The following ALDOB variants were observed in gnomAD, a reference collection of about 807,000 sequenced individuals.
ALDOB encodes aldolase, fructose-bisphosphate B, also known as fructose-bisphosphate aldolase B.
A neutral mutation model predicts 41.0 loss-of-function variants in ALDOB; 39 were observed. That is an observed-to-expected ratio of 0.95 (90% CI 0.74 to 1.24). The LOEUF (loss-of-function observed/expected upper bound fraction) is 1.24. ALDOB is among the 50% of genes most tolerant of loss of function. The pLI, the probability that ALDOB is intolerant of heterozygous loss-of-function variation, is 0.00. For synonymous variants in ALDOB, 175 were observed against 168.8 expected (o/e 1.04, Z -0.28); for missense variants, 530 against 457.3 (o/e 1.16, Z -1.45).
At chr9:101,429,387 G>A (rs1178616381) in intron 3 of ALDOB, among the ~76,000 whole-genome samples, 1 of 152,126 alleles carries the variant, frequency 6.6e-6, no homozygotes, top group Non-Finnish European at 1.5e-5. Context: ...TCAAACTCCT[G>A]AGCTCAAGCG....
rs149166711 is a variant in ALDOB at position 101,424,876 on chromosome 9, C to T, written c.966G>A (p.Glu322=). 20 of 1,613,682 alleles carry T rather than the reference C, an allele frequency of 1.2e-5. No homozygotes were observed. Among genetic ancestry groups the T allele is most frequent in the South Asian group, 2.2e-5 (2 of 91,050 alleles). The change falls in exon 8 of 9, where the codon GAG becomes GAA. Residue 322 remains glutamate (E), a synonymous_variant. Transcript: ENST00000647789. ...GCTTCATAAAAGCCTCCTGGGTTGC[C>T]TCCTTGTTTGCAGCCTTGCCACCCC... ...AAWGGKAANK[E]ATQEAFMKRA...
Position 101,425,614 on chromosome 9 carries a change from A to G in ALDOB, c.638T>C (p.Val213Ala), listed in dbSNP as rs1564077535. Residue 213 changes from valine to alanine, a missense_variant, in exon 7 of 9, where the codon GTC (valine) becomes GCC (alanine). By Grantham distance (64) the Val-to-Ala change is moderately conservative. Transcript: ENST00000647789. ...QYVTEKVLAA[V>A]YKALNDHHVY... is the part of the protein sequence containing the mutation. ...ATGATGGTCATTCAGGGCCTTGTAGACAGCAGCCAGGACCTGAAGGACAAG... is the reference window on the plus strand; with the variant it reads ...ATGATGGTCATTCAGGGCCTTGTAGGCAGCAGCCAGGACCTGAAGGACAAG... The G allele has an allele frequency of 1.2e-6, 2 of 1,614,042 alleles. No homozygotes were observed. The highest frequency in any genetic ancestry group is 1.7e-6 in the Non-Finnish European group (2 of 1,180,046).
At chr9:101,422,325 T>C (rs1831060684) in intron 8 of ALDOB, among the ~76,000 whole-genome samples, 1 of 152,252 alleles carries the variant, frequency 6.6e-6, no homozygotes, top group African/African-American at 2.4e-5. Context: ...ATCATTTGCT[T>C]TCCTGTATAC....
At chr9:101,432,797 A>T (rs1452485608) in intron 1 of ALDOB, among the ~76,000 whole-genome samples, 1 of 152,236 alleles carries the variant, frequency 6.6e-6, no homozygotes, top group African/African-American at 2.4e-5. Context: ...ACTCCTTTCC[A>T]TTCAAGGGAA....
rs764826805 is a variant in ALDOB at position 101,429,754 on chromosome 9, C to T, written c.324+1G>A. The T allele has an allele frequency of 3.7e-6, 6 of 1,614,012 alleles. No individual in the cohort carries two copies. In the South Asian group the frequency reaches 6.6e-5, roughly 18 times the overall value. The stretch of plus-strand genomic sequence containing the variant: ...AGTGAGGTGTGAATGGAGGTGTTCA[C>T]CTTGATTCCCACCACGATCCCCTTT... On this transcript the variant is annotated splice_donor_variant, in intron 3 of 8. Transcript: ENST00000647789. LOFTEE classifies it high-confidence loss of function.
At chr9:101,424,187 G>A (rs765034091) in intron 8 of ALDOB, among the ~76,000 whole-genome samples, 1 of 152,148 alleles carries the variant, frequency 6.6e-6, no homozygotes, top group Non-Finnish European at 1.5e-5. Flanking sequence ...GGAGGTTGAG[G>A]TGGGCAGATC....
chr9:101,428,653 C>T, intron 3 of ALDOB, 130 bp from the exon 4 acceptor site: 1 of 804,122 alleles, frequency 1.2e-6, no homozygotes. Context: ...TGCGAGGGAC[C>T]CAGTTCAGTC....
chr9:101,429,664 A>C, intron 3 of ALDOB, 91 bp downstream of exon 3: 1 of 1,163,378 alleles, frequency 8.6e-7, no homozygotes, highest in Non-Finnish European at 1.3e-6. Flanking sequence ...TTTGATGAGG[A>C]GAATGTTCAG....
intron 1 of ALDOB, among the ~76,000 whole-genome samples, chr9:101,435,398 G>A (rs1476095612): frequency 1.3e-5 from 2 of 152,176 alleles, no homozygotes; most frequent in Non-Finnish European, 2.9e-5. Flanking sequence ...CCTAACGATA[G>A]GAGTGTTCAA....
intron 3 of ALDOB, 35 bp from the exon 4 acceptor site, chr9:101,428,558 C>G: frequency 6.5e-7 from 1 of 1,540,108 alleles, no homozygotes; most frequent in Non-Finnish European, 9.0e-7. Flanking sequence ...TGTCAGATGT[C>G]AGGAAAACAC....
At chr9:101,428,545 A>G in intron 3 of ALDOB, 22 bp from the exon 4 acceptor site, 1 of 1,603,128 alleles carries the variant, frequency 6.2e-7, no homozygotes, top group Admixed American at 1.7e-5. Flanking sequence ...AATAATTAAC[A>G]GGTGTCAGAT....
Position 101,428,514 on chromosome 9 carries a change from C to T in ALDOB, c.334G>A (p.Gly112Arg), listed in dbSNP as rs373330514. The T allele has an allele frequency of 3.8e-5, 62 of 1,613,838 alleles. No homozygotes were observed. In the African/African-American group the frequency reaches 7.3e-4, roughly 19 times the overall value. ...GIVVGIKLDQ[G>R]GAPLAGTNKE... ...TTTGTTCCTGCAAGAGGAGCACCTC[C>T]TTGGTCTAACTGTGGATACAAATAA... Residue 112 changes from glycine to arginine, a missense_variant, in exon 4 of 9, where the codon GGA (glycine) becomes AGA (arginine). Coordinates refer to ENST00000647789, the MANE Select transcript of ALDOB (RefSeq NM_000035.4).
Position 101,421,242 on chromosome 9 carries a change from G to A in ALDOB, c.*567C>T, listed in dbSNP as rs540272117. ...AGCATCTCAGTTTTTAAAATTTTGC[G>A]GCTTGATTCCAATGACTAGCAAGAG... is the stretch of plus-strand genomic sequence containing the variant. On this transcript the variant is annotated 3_prime_UTR_variant, in exon 9 of 9. Coordinates refer to ENST00000647789, the MANE Select transcript of ALDOB (RefSeq NM_000035.4). 18 of 161,358 alleles carry A rather than the reference G, an allele frequency of 1.1e-4. No individual in the cohort carries two copies. The highest frequency in any genetic ancestry group is 2.4e-4 in the African/African-American group (10 of 41,560). 10.0% of individuals were successfully genotyped at this position (161,358 alleles called of 1,614,324 possible). A position where few individuals can be genotyped will look rare whatever the true frequency, so the allele number is the denominator to read the frequency against.
chr9:101,427,702 T>C, intron 4 of ALDOB, 60 bp from the exon 5 acceptor site: 1 of 1,603,056 alleles, frequency 6.2e-7, no homozygotes. Context: ...CCATGGGGCT[T>C]CTAATAAAGG....
In ALDOB at chr9:101,429,884, AG is replaced by A; in HGVS notation, c.194del (p.Ser65LeufsTer13). On this transcript the variant is annotated frameshift_variant, in exon 3 of 9. Coordinates refer to ENST00000647789, the MANE Select transcript of ALDOB (RefSeq NM_000035.4). LOFTEE classifies it high-confidence loss of function. ...NRRQFREILF[S>X]VDSSINQSIG... ...TGCTCTGGTTGATGGAACTGTCCAC[AG>A]AGAAGAGGATTTCTCGGAACTGCCG... The A allele has an allele frequency of 6.2e-7, 1 of 1,614,128 alleles. No homozygotes were observed. The highest frequency in any genetic ancestry group is 8.5e-7 in the Non-Finnish European group (1 of 1,180,024).
At chr9:101,428,652 C>A in intron 3 of ALDOB, 129 bp from the exon 4 acceptor site, 1 of 823,966 alleles carries the variant, frequency 1.2e-6, no homozygotes, top group Admixed American at 1.8e-5. Context: ...GTGCGAGGGA[C>A]CCAGTTCAGT....
At chr9:101,424,118 CT>C (rs1831088613) in intron 8 of ALDOB, among the ~76,000 whole-genome samples, 1 of 151,986 alleles carries the variant, frequency 6.6e-6, no homozygotes, top group African/African-American at 2.4e-5. Flanking sequence ...ATTATTGGCC[CT>C]TTGAAATTGT....
At chr9:101,423,938 C>G (rs1475568756) in intron 8 of ALDOB, among the ~76,000 whole-genome samples, 2 of 152,160 alleles carry the variant, frequency 1.3e-5, no homozygotes, top group Non-Finnish European at 2.9e-5. Flanking sequence ...TTTGTTGGTC[C>G]TCATTTCTCC....
rs1193003834 is a variant in ALDOB at position 101,425,330 on chromosome 9, T to C, written c.799+123A>G. ...CTGAAGTGGGAGAAGAAGTGCTGGC[T>C]GCCTGTGAGATAACAGAGGTTTGTT... On this transcript the variant is annotated intron_variant, in intron 7 of 8. Coordinates refer to ENST00000647789, the MANE Select transcript of ALDOB (RefSeq NM_000035.4). 2.5e-6 allele frequency: 3 copies of C among 1,202,974 alleles called. No homozygotes were observed. The Admixed American group carries it at 5.6e-5, about 23-fold the overall frequency. 74.5% of individuals were successfully genotyped at this position (1,202,974 alleles called of 1,614,324 possible). A position where few individuals can be genotyped will look rare whatever the true frequency, so the allele number is the denominator to read the frequency against.
Sources: allele counts gnomAD v4.1 joint callset (sites outside exome capture counted in the v4.1 genomes callset), GRCh38; gene constraint gnomAD v4.1.1; transcripts MANE v1.5; gene names NCBI Gene and HGNC (gene_info 2026-07-23, HGNC 2026-07-21).